Variants in PAX7 observed in about 807,000 individuals in gnomAD.
PAX7 encodes the protein paired box 7.
PAX7 carries 18 observed loss-of-function variants against 50.7 expected under a neutral mutation model. The ratio of observed to expected loss-of-function variants is 0.36; its 90% confidence interval spans 0.25 to 0.53. The LOEUF (loss-of-function observed/expected upper bound fraction) is 0.53, where lower values mean the gene tolerates loss of function less well. Ranked by LOEUF, PAX7 falls within the 20% of genes least tolerant of loss-of-function variation. The pLI is 0.93. For synonymous variants in PAX7, 310 were observed against 290.4 expected (o/e 1.07, Z -0.69); for missense variants, 644 against 702.9 (o/e 0.92, Z 0.95).
rs185670091 is a variant in PAX7, at chr1:18,653,236, C to T, written c.586+16865C>T. On this transcript the variant is annotated intron_variant, in intron 4 of 8. Transcript: ENST00000420770. ...TTTTACACGAATGGGCTTCCTGGCC[C>T]GCATTTTGATTTGCGCTTGGGTTTA... Among the ~76,000 whole-genome samples, 240 of 151,696 alleles carry T rather than the reference C, an allele frequency of 1.6e-3. 1 individual carries two copies. The highest frequency in any genetic ancestry group is 0.011 in the South Asian group (53 of 4,786).
chr1:18,646,282 G>A (rs9439713), intron 4 of PAX7, among the ~76,000 whole-genome samples: 46,810 of 151,440 alleles, frequency 0.31, 8,015 homozygotes, highest in Middle Eastern at 0.43. Context: ...TTCTGGTTGG[G>A]ACTTTTTCTC....
intron 4 of PAX7, among the ~76,000 whole-genome samples, chr1:18,689,902 G>C (rs58957775): frequency 1.7e-4 from 26 of 152,352 alleles, no homozygotes; most frequent in African/African-American, 6.0e-4. Flanking sequence ...TTGCCCCTTG[G>C]GGGAGGGGCC....
At chr1:18,727,256 A>G (rs1307384968) in intron 7 of PAX7, among the ~76,000 whole-genome samples, 1 of 133,080 alleles carries the variant, frequency 7.5e-6, no homozygotes, top group Non-Finnish European at 1.7e-5. Flanking sequence ...TGCATACAAC[A>G]CACACACACA....
intron 4 of PAX7, among the ~76,000 whole-genome samples, chr1:18,664,013 G>C (rs1230103602): frequency 6.6e-6 from 1 of 152,224 alleles, no homozygotes; most frequent in African/African-American, 2.4e-5. Flanking sequence ...CCTTAATAAA[G>C]TGGGATTCCA....
intron 2 of PAX7, 72 bp from the exon 3 acceptor site, chr1:18,635,038 AG>A: frequency 3.2e-6 from 5 of 1,561,988 alleles, no homozygotes; most frequent in Non-Finnish European, 4.4e-6. Context: ...GGCTCTTAAG[AG>A]GTGATATTAA....
In PAX7 at chr1:18,649,011, C is replaced by T. The variant is rs570351953; in HGVS notation, c.586+12640C>T. Among the ~76,000 whole-genome samples the T allele has an allele frequency of 2.0e-4, 30 of 152,274 alleles. No individual in the cohort carries two copies. In the South Asian group the frequency reaches 4.4e-3, roughly 22 times the overall value. ...CACTGATGCCCAAGGGTACTGAGCC[C>T]GTGACTGGCTGCTAGGTTCATTCAA... On this transcript the variant is annotated intron_variant, in intron 4 of 8. Transcript: ENST00000420770.
At chr1:18,721,694 G>A (rs554584641) in intron 7 of PAX7, among the ~76,000 whole-genome samples, 168 of 152,352 alleles carry the variant, frequency 1.1e-3, no homozygotes, top group Non-Finnish European at 1.9e-3. Flanking sequence ...CATGGTGGTG[G>A]ATGTGGGGAT....
In PAX7 at chr1:18,740,225, G is replaced by A. The variant is rs530059593; in HGVS notation, c.1402+4347G>A. Reference sequence around the variant, plus strand: ...CCCCTCGGCTCCACCCCTGGGAGAGGCAGGCTGTGCAGCCTGTTGGGTGCC... The same window carrying A: ...CCCCTCGGCTCCACCCCTGGGAGAGACAGGCTGTGCAGCCTGTTGGGTGCC... On this transcript the variant is annotated intron_variant, in intron 8 of 8. Transcript: ENST00000420770. Among the ~76,000 whole-genome samples, 5 of 152,334 alleles carry A rather than the reference G, an allele frequency of 3.3e-5. No individual in the cohort carries two copies. In the South Asian group the frequency reaches 8.3e-4, roughly 25 times the overall value.
At position 18,745,084 on chromosome 1, in the gene PAX7, C is replaced by T; in HGVS notation, c.*155C>T. On this transcript the variant is annotated 3_prime_UTR_variant, in exon 9 of 9. Transcript: ENST00000420770. ...CACCAGCCCCCTGGAGGTAGACAGC[C>T]AGCTTGTCACTCACCTGTGGTTAGG... 1.6e-6 allele frequency: 1 copy of T among 607,004 alleles called. No homozygotes were observed. Among genetic ancestry groups the T allele is most frequent in the Non-Finnish European group, 3.0e-6 (1 of 338,644 alleles). The allele number at this position is 607,004 out of a possible 1,614,324, so 37.6% of individuals were successfully genotyped here. A position where few individuals can be genotyped will look rare whatever the true frequency, so the allele number is the denominator to read the frequency against.
intron 7 of PAX7, among the ~76,000 whole-genome samples, chr1:18,728,460 G>C (rs569133268): frequency 3.3e-5 from 5 of 152,120 alleles, no homozygotes; most frequent in African/African-American, 1.2e-4. Flanking sequence ...GCCTGTATGA[G>C]TATGGATGTG....
chr1:18,730,036 C>G (rs566233504), intron 7 of PAX7, among the ~76,000 whole-genome samples: 3 of 152,126 alleles, frequency 2.0e-5, no homozygotes, highest in Middle Eastern at 3.2e-3. Flanking sequence ...CCTGCCTCTT[C>G]CCTTCTAATC....
chr1:18,719,590 C>T (rs2089469333), intron 7 of PAX7, among the ~76,000 whole-genome samples: 1 of 152,244 alleles, frequency 6.6e-6, no homozygotes, highest in African/African-American at 2.4e-5. Flanking sequence ...ACAAAGGGGA[C>T]ATGTCCAGGC....
At chr1:18,639,203 G>T (rs1557502535) in intron 4 of PAX7, among the ~76,000 whole-genome samples, 1 of 152,164 alleles carries the variant, frequency 6.6e-6, no homozygotes, top group Non-Finnish European at 1.5e-5. Flanking sequence ...GTGTTGGAGA[G>T]GGGTGTAATA....
intron 4 of PAX7, among the ~76,000 whole-genome samples, chr1:18,664,625 C>T (rs2088642281): frequency 6.6e-6 from 1 of 152,194 alleles, no homozygotes; most frequent in South Asian, 2.1e-4. Context: ...AATCGAGAGG[C>T]TCAGAGGATG....
chr1:18,700,086 G>A lies in PAX7; in HGVS notation c.787-567G>A, dbSNP rs1471721337. The stretch of plus-strand genomic sequence containing the variant: ...TAATGTTTGATAAATCCGTGTGTGT[G>A]TGTGTGTGTGTGTGTGTGTGTGTGT... On this transcript the variant is annotated intron_variant, in intron 5 of 8. Coordinates refer to ENST00000420770, the MANE Select transcript of PAX7 (RefSeq NM_001135254.2). The surrounding 1 kb of genome is among the most constrained non-coding windows in gnomAD (Gnocchi z 4.8). Among the ~76,000 whole-genome samples the A allele has an allele frequency of 9.4e-5, 9 of 95,722 alleles. No homozygotes were observed. The highest frequency in any genetic ancestry group is 4.3e-4 in the African/African-American group (9 of 20,730). The allele number at this position is 95,722 out of a possible 152,430, so 62.8% of individuals were successfully genotyped here.
At chr1:18,702,752 A>G (rs540176485) in intron 6 of PAX7, among the ~76,000 whole-genome samples, 174 of 152,278 alleles carry the variant, frequency 1.1e-3, no homozygotes, top group Admixed American at 0.011. Flanking sequence ...CACAAAACAA[A>G]ACAGACTGGG....
At chr1:18,646,541 C>T (rs887178466) in intron 4 of PAX7, among the ~76,000 whole-genome samples, 3 of 152,154 alleles carry the variant, frequency 2.0e-5, no homozygotes, top group Non-Finnish European at 4.4e-5. Context: ...TCAGCGGGTG[C>T]AGGCGGGCAG....
intron 4 of PAX7, among the ~76,000 whole-genome samples, chr1:18,672,474 T>G (rs912440706): frequency 3.9e-5 from 6 of 152,114 alleles, no homozygotes; most frequent in Non-Finnish European, 8.8e-5. Flanking sequence ...TGGCAGGAGG[T>G]GTGTGTCCTT....
intron 4 of PAX7, among the ~76,000 whole-genome samples, chr1:18,659,396 T>C (rs1321398129): frequency 6.6e-6 from 1 of 152,160 alleles, no homozygotes; most frequent in Non-Finnish European, 1.5e-5. Context: ...TCCCCCTCCT[T>C]TCCACTTCTC....
Sources: gnomAD v4.1 joint callset for allele counts (sites outside exome capture counted in the v4.1 genomes callset) on GRCh38, gnomAD v4.1.1 for gene constraint, Gnocchi (gnomAD v3.1) non-coding constraint, MANE v1.5 for transcripts, NCBI Gene and HGNC (gene_info 2026-07-23, HGNC 2026-07-21) for gene names.